THSD7B: variants seen among roughly 807,000 people sequenced by gnomAD.
THSD7B encodes the protein thrombospondin type 1 domain containing 7B.
In THSD7B, 138 loss-of-function variants were observed where a neutral mutation model predicts 213.6. That is an observed-to-expected ratio of 0.65 (90% CI 0.56 to 0.74). The LOEUF (loss-of-function observed/expected upper bound fraction) is 0.74. THSD7B is among the 30% of genes least tolerant of loss of function. THSD7B has a pLI of 0.00. For synonymous variants in THSD7B, 742 were observed against 687.0 expected (o/e 1.08, Z -1.25); for missense variants, 1,931 against 1,991.5 (o/e 0.97, Z 0.58).
chr2:136,794,854 G>A (rs11903180), intron 1 of THSD7B, among the ~76,000 whole-genome samples: 1 of 151,806 alleles, frequency 6.6e-6, no homozygotes, highest in African/African-American at 2.4e-5. Context: ...GATTAAAAAA[G>A]AATTAGGATA....
At chr2:137,050,401 G>A (rs961681869) in intron 2 of THSD7B, among the ~76,000 whole-genome samples, 8 of 152,158 alleles carry the variant, frequency 5.3e-5, no homozygotes, top group Non-Finnish European at 2.9e-5. Flanking sequence ...CTAATAATTT[G>A]TAATCAAAAG....
intron 27 of THSD7B, 109 bp downstream of exon 27, chr2:137,667,970 C>A: frequency 9.0e-6 from 7 of 779,146 alleles, no homozygotes; most frequent in South Asian, 5.1e-5. Context: ...ATTCTTGAGT[C>A]CAAAAATTAA....
chr2:136,846,044 A>G (rs907804945), intron 1 of THSD7B, among the ~76,000 whole-genome samples: 2 of 152,036 alleles, frequency 1.3e-5, no homozygotes, highest in Admixed American at 6.6e-5. Flanking sequence ...TGGCTGAGGG[A>G]TGACTCCTTA....
At chr2:137,495,644 G>T (rs1042258639) in intron 15 of THSD7B, among the ~76,000 whole-genome samples, 5 of 152,126 alleles carry the variant, frequency 3.3e-5, no homozygotes, top group African/African-American at 1.2e-4. Flanking sequence ...GCAAGAGCCT[G>T]CTGACAGGTC....
rs1004925571 is a variant in THSD7B at position 137,394,327 on chromosome 2, T to C, written c.2501-11286T>C. ...GTTTAAGGCTTTAATCCATCTTGAA[T>C]TGATTTTTGTATAAGGTGTAAGGAA... On this transcript the variant is annotated intron_variant, in intron 12 of 27. Transcript: ENST00000409968. Among the ~76,000 whole-genome samples the C allele has an allele frequency of 7.0e-5, 9 of 127,904 alleles. No individual in the cohort carries two copies. In the East Asian group the frequency reaches 1.9e-3, roughly 27 times the overall value. The allele number at this position is 127,904 out of a possible 152,430, so 83.9% of individuals were successfully genotyped here.
chr2:136,926,091 A>G (rs1684516912), intron 2 of THSD7B, among the ~76,000 whole-genome samples: 1 of 152,074 alleles, frequency 6.6e-6, no homozygotes, highest in African/African-American at 2.4e-5. Context: ...ACAACAAACA[A>G]CAATAATTTG....
intron 12 of THSD7B, among the ~76,000 whole-genome samples, chr2:137,297,970 G>A (rs1183011404): frequency 1.3e-5 from 2 of 152,130 alleles, no homozygotes; most frequent in African/African-American, 2.4e-5. Flanking sequence ...GTAGAGTGGG[G>A]CATTGTTGAA....
At chr2:137,315,658 A>C (rs553904116) in intron 12 of THSD7B, among the ~76,000 whole-genome samples, 21 of 152,142 alleles carry the variant, frequency 1.4e-4, no homozygotes, top group Non-Finnish European at 2.5e-4. Flanking sequence ...AAAATAACTA[A>C]CTTGATTTTC....
At chr2:136,856,795 C>T (rs529889574) in intron 1 of THSD7B, among the ~76,000 whole-genome samples, 10 of 152,280 alleles carry the variant, frequency 6.6e-5, no homozygotes, top group African/African-American at 2.2e-4. Flanking sequence ...GGATTACAGA[C>T]ATGAGCCACC....
At chr2:137,004,679 A>G (rs1329022090) in intron 2 of THSD7B, among the ~76,000 whole-genome samples, 2 of 152,188 alleles carry the variant, frequency 1.3e-5, no homozygotes, top group East Asian at 3.9e-4. Context: ...TGTTGATACC[A>G]TCTCAAATTC....
intron 2 of THSD7B, among the ~76,000 whole-genome samples, chr2:137,039,470 A>G (rs1162528430): frequency 6.6e-6 from 1 of 152,218 alleles, no homozygotes; most frequent in African/African-American, 2.4e-5. Flanking sequence ...GGTTGTTGCT[A>G]AACATCCTGC....
At chr2:137,241,241 C>G (rs1681891915) in intron 9 of THSD7B, among the ~76,000 whole-genome samples, 1 of 152,214 alleles carries the variant, frequency 6.6e-6, no homozygotes, top group Non-Finnish European at 1.5e-5. Context: ...CAATTCTCTT[C>G]TTTATATGAA....
intron 2 of THSD7B, among the ~76,000 whole-genome samples, chr2:136,917,909 C>G (rs373692847): frequency 3.9e-5 from 6 of 152,294 alleles, no homozygotes; most frequent in Admixed American, 6.5e-5. Context: ...CTGAAATATA[C>G]TGGCTTAGGG....
intron 12 of THSD7B, among the ~76,000 whole-genome samples, chr2:137,366,995 A>G (rs1685421995): frequency 6.6e-6 from 1 of 152,106 alleles, no homozygotes. Context: ...AAGTGATGAT[A>G]TTACATCTTC....
At position 137,044,814 on chromosome 2, in the gene THSD7B, G is replaced by A. The variant is rs146348549; in HGVS notation, c.140-11606G>A. Among the ~76,000 whole-genome samples the A allele has an allele frequency of 6.6e-5, 10 of 152,288 alleles. No individual in the cohort carries two copies. The East Asian group carries it at 9.7e-4, about 15-fold the overall frequency. On this transcript the variant is annotated intron_variant, in intron 2 of 27. Transcript: ENST00000409968. ...GATGATATGAAGGGAGGTGAATGGCGTAGGCATTGTGACATAGTGTTAGGC... is the reference window on the plus strand; with the variant it reads ...GATGATATGAAGGGAGGTGAATGGCATAGGCATTGTGACATAGTGTTAGGC...
At chr2:136,997,307 T>A (rs970322052) in intron 2 of THSD7B, among the ~76,000 whole-genome samples, 11 of 152,228 alleles carry the variant, frequency 7.2e-5, no homozygotes, top group African/African-American at 2.7e-4. Flanking sequence ...TTAATTGACA[T>A]TTACTTTATT....
At chr2:136,955,578 A>C (rs945247225) in intron 2 of THSD7B, among the ~76,000 whole-genome samples, 2 of 152,156 alleles carry the variant, frequency 1.3e-5, no homozygotes, top group African/African-American at 4.8e-5. Context: ...AAAAGTTAAT[A>C]TCAATTAAGT....
chr2:136,841,094 G>A lies in THSD7B; in HGVS notation c.-35-41050G>A, dbSNP rs527270689. On this transcript the variant is annotated intron_variant, in intron 1 of 27. Transcript: ENST00000409968. ...GGCAATTCTTCTAACAGCCCTATGAGGTAAGAATTTCAAACCCCATTTTAC... is the reference window on the plus strand; with the variant it reads ...GGCAATTCTTCTAACAGCCCTATGAAGTAAGAATTTCAAACCCCATTTTAC... Among the ~76,000 whole-genome samples the A allele has an allele frequency of 1.3e-4, 20 of 152,160 alleles. No homozygotes were observed. In the South Asian group the frequency reaches 3.3e-3, roughly 25 times the overall value.
chr2:137,096,828 T>G (rs1688048667), intron 4 of THSD7B, among the ~76,000 whole-genome samples: 1 of 152,206 alleles, frequency 6.6e-6, no homozygotes, highest in Non-Finnish European at 1.5e-5. Flanking sequence ...CATCTGATAA[T>G]ACTGCCTGTG....
Sources: allele counts gnomAD v4.1 joint callset (sites outside exome capture counted in the v4.1 genomes callset), GRCh38; gene constraint gnomAD v4.1.1; transcripts MANE v1.5; gene names NCBI Gene and HGNC (gene_info 2026-07-23, HGNC 2026-07-21).